The following SIGLEC5 variants were observed in gnomAD, a reference collection of about 807,000 sequenced individuals.
SIGLEC5 encodes the protein sialic acid binding Ig like lectin 5.
SIGLEC5 carries 34 observed loss-of-function variants against 45.9 expected under a neutral mutation model. The ratio of observed to expected loss-of-function variants is 0.74; its 90% CI spans 0.56 to 0.99. The LOEUF (loss-of-function observed/expected upper bound fraction) is 0.99, where lower values mean the gene tolerates loss of function less well. SIGLEC5 is among the 50% of genes least tolerant of loss of function. The probability of loss-of-function intolerance (pLI) is 0.00; values close to 1 mark genes in which losing one functional copy is unlikely to be tolerated. For synonymous variants in SIGLEC5, 203 were observed against 258.6 expected, an observed-to-expected ratio of 0.79 and a Z score of 2.06; for missense variants, 508 against 629.6, an observed-to-expected ratio of 0.81 and a Z score of 2.07.
chr19:51,619,456 C>T (rs994869587), intron 8 of SIGLEC5, among the ~76,000 whole-genome samples: 1 of 152,122 alleles, frequency 6.6e-6, no homozygotes, highest in African/African-American at 2.4e-5. Context: ...GATCAAGTCT[C>T]AACAAATTTT....
In SIGLEC5 at chr19:51,627,638, T is replaced by C. The variant is rs1378957765; in HGVS notation, c.1106A>G (p.Glu369Gly). The change falls in exon 6 of 9, where the codon GAG (glutamate) becomes GGG (glycine). Residue 369 changes from glutamate to glycine, a missense_variant. By Grantham distance (98) the Glu-to-Gly change is moderately conservative. Coordinates refer to ENST00000683636, the MANE Select transcript of SIGLEC5 (RefSeq NM_003830.4). ...PAPSLCWRLE[E>G]KPLEGNSSQG... ...GCTGCTGTTCCCCTCCAGCGGCTTC[T>C]CCTCAAGCCGCCAGCACAGGGAGGG... is the stretch of plus-strand genomic sequence containing the variant. 6.2e-7 allele frequency: 1 copy of C among 1,611,624 alleles called. No homozygotes were observed. The highest frequency in any genetic ancestry group is 2.2e-5 in the East Asian group (1 of 44,862).
Position 51,628,012 on chromosome 19 carries a change from G to A in SIGLEC5, c.819C>T (p.Ser273=), listed in dbSNP as rs771516172. 6.2e-7 allele frequency: 1 copy of A among 1,610,114 alleles called. No individual in the cohort carries two copies. Among genetic ancestry groups the A allele is most frequent in the East Asian group, 2.2e-5 (1 of 44,832 alleles). The change falls in exon 5 of 9, where the codon AGC becomes AGT. Residue 273 remains serine (S), a synonymous_variant. Coordinates refer to ENST00000683636, the MANE Select transcript of SIGLEC5 (RefSeq NM_003830.4). ...ACCAGCTCAGGTGTGCAGGGGGGTT[G>A]CTGGGAGCATCACAGAGCAGCCGCA... ...QALRLLCDAP[S]NPPAHLSWFQ... is the part of the protein sequence containing the mutation.
At chr19:51,619,137 C>T (rs1053520457) in intron 8 of SIGLEC5, among the ~76,000 whole-genome samples, 5 of 152,180 alleles carry the variant, frequency 3.3e-5, no homozygotes, top group Non-Finnish European at 5.9e-5. Flanking sequence ...TGCAGTGGCA[C>T]GATCTTGGCT....
intron 6 of SIGLEC5, 91 bp downstream of exon 6, chr19:51,627,371 C>A: frequency 6.5e-7 from 1 of 1,545,466 alleles, no homozygotes; most frequent in Non-Finnish European, 8.8e-7. Context: ...GTCTCCCCAC[C>A]ACCAGTCCAG....
Position 51,611,164 on chromosome 19 carries a change from T to C in SIGLEC5, c.*1067A>G, listed in dbSNP as rs1013630073. ...CCTCATGACCACTTGCTGAAGTTTC[T>C]AACATTGTCATTTATCTGGGTTTGG... On this transcript the variant is annotated 3_prime_UTR_variant, in exon 9 of 9. Transcript: ENST00000683636. 5.3e-5 allele frequency among the ~76,000 whole-genome samples: 8 copies of C among 152,234 alleles called. No homozygotes were observed.
chr19:51,627,227 C>T lies in SIGLEC5; in HGVS notation c.1304G>A (p.Gly435Glu), dbSNP rs770007074. 1 of 1,613,994 alleles carries T rather than the reference C, an allele frequency of 6.2e-7. No homozygotes were observed. The highest frequency in any genetic ancestry group is 8.5e-7 in the Non-Finnish European group (1 of 1,180,010). Residue 435 changes from glycine (G) to glutamate (E), a missense_variant, in exon 7 of 9, where the codon GGA becomes GAA. Transcript: ENST00000683636. ...LLQGRSNLGT[G>E]VVPAALGGAG... is the part of the protein sequence containing the mutation. ...ACCACCAAGGGCTGCAGGAACCACTCCTGTCCCGAGGTTCGATCTCCCTGC... is the reference window on the plus strand; with the variant it reads ...ACCACCAAGGGCTGCAGGAACCACTTCTGTCCCGAGGTTCGATCTCCCTGC...
intron 8 of SIGLEC5, among the ~76,000 whole-genome samples, chr19:51,615,910 G>A (rs924282579): frequency 2.0e-4 from 31 of 152,180 alleles, no homozygotes; most frequent in African/African-American, 7.2e-4. Context: ...CCGAGTAGCT[G>A]GGATTACAGG....
chr19:51,624,093 A>G (rs935927702), intron 8 of SIGLEC5, among the ~76,000 whole-genome samples: 1 of 152,026 alleles, frequency 6.6e-6, no homozygotes, highest in African/African-American at 2.4e-5. Flanking sequence ...CGGGAGGTGG[A>G]GGTTGCAATG....
Position 51,627,910 on chromosome 19 carries a change from T to G in SIGLEC5, c.921A>C (p.Ala307=). 2 of 1,614,092 alleles carry G rather than the reference T, an allele frequency of 1.2e-6. No homozygotes were observed. The highest frequency in any genetic ancestry group is 1.7e-6 in the Non-Finnish European group (2 of 1,179,986). ...CGCGGCAGGTGAAGCCTCCTTCTTC[T>G]GCAGACCTTACTCGACGAAGCTCCA... ...GILELRRVRS[A]EEGGFTCRAQ... The change falls in exon 5 of 9, where the codon GCA becomes GCC. Residue 307 remains alanine (A), a synonymous_variant. Transcript: ENST00000683636.
rs535163869 is a variant in SIGLEC5, at chr19:51,628,600, CGGGTGTACGTACATGTGTGCGTGTGT to C, written c.739+412_739+437del. Among the ~76,000 whole-genome samples, 728 of 144,252 alleles carry C rather than the reference CGGGTGTACGTACATGTGTGCGTGTGT, an allele frequency of 5.0e-3. 43 individuals are homozygous for C. In the East Asian group the frequency reaches 0.12, roughly 25 times the overall value. The allele number at this position is 144,252 out of a possible 152,430, so 94.6% of individuals were successfully genotyped here. On this transcript the variant is annotated intron_variant, in intron 4 of 8. Coordinates refer to ENST00000683636, the MANE Select transcript of SIGLEC5 (RefSeq NM_003830.4). ...CTGTGTGCGTGTGTGTGTGCGTGTGCGGGTGTACGTACATGTGTGCGTGTGTGGGTGTATCTGCATATGTGTGTGTG... is the reference window on the plus strand; with the variant it reads ...CTGTGTGCGTGTGTGTGTGCGTGTGCGGGTGTATCTGCATATGTGTGTGTG...
intron 8 of SIGLEC5, among the ~76,000 whole-genome samples, chr19:51,620,846 T>C (rs1277414404): frequency 6.6e-6 from 1 of 152,144 alleles, no homozygotes; most frequent in East Asian, 1.9e-4. Context: ...CCAAGATCAA[T>C]GTGTGATTTT....
At chr19:51,625,895 T>C (rs1427555943) in intron 8 of SIGLEC5, 137 bp downstream of exon 8, 1 of 681,904 alleles carries the variant, frequency 1.5e-6, no homozygotes, top group Non-Finnish European at 2.6e-6. Context: ...TTCCTGGCTC[T>C]GGGATATGAA....
intron 8 of SIGLEC5, among the ~76,000 whole-genome samples, chr19:51,619,149 A>G (rs2122622048): frequency 6.6e-6 from 1 of 152,304 alleles, no homozygotes; most frequent in South Asian, 2.1e-4. Flanking sequence ...ATCTTGGCTC[A>G]CTGCAACCTC....
intron 7 of SIGLEC5, 50 bp from the exon 8 acceptor site, chr19:51,626,163 T>C: frequency 6.8e-7 from 1 of 1,472,060 alleles, no homozygotes; most frequent in Non-Finnish European, 9.5e-7. Flanking sequence ...AGGCACGGGT[T>C]AGCGGGTTGT....
At chr19:51,621,926 C>G (rs1600101603) in intron 8 of SIGLEC5, among the ~76,000 whole-genome samples, 1 of 151,916 alleles carries the variant, frequency 6.6e-6, no homozygotes, top group African/African-American at 2.4e-5. Flanking sequence ...ATGTGTAAGA[C>G]CTGTGTGAAG....
At chr19:51,628,826 CGT>C (rs888817069) in intron 4 of SIGLEC5, among the ~76,000 whole-genome samples, 16 of 133,766 alleles carry the variant, frequency 1.2e-4, no homozygotes, top group South Asian at 4.9e-4. Context: ...TGTGTGTGTG[CGT>C]GTGTGTGTGC....
intron 8 of SIGLEC5, among the ~76,000 whole-genome samples, chr19:51,623,746 T>A (rs1051101183): frequency 2.0e-5 from 3 of 152,186 alleles, no homozygotes; most frequent in African/African-American, 7.2e-5. Context: ...TGCCCAGCGA[T>A]GCGGCAACTC....
In SIGLEC5 at chr19:51,627,992, C is replaced by CTCAGGTGTGCAGGGGGGTTGCTGGGAGCA; in HGVS notation, c.810_838dup (p.Ser280MetfsTer10). 6.2e-7 allele frequency: 1 copy of CTCAGGTGTGCAGGGGGGTTGCTGGGAGCA among 1,613,090 alleles called. No homozygotes were observed. The highest frequency in any genetic ancestry group is 1.3e-5 in the African/African-American group (1 of 74,994). Reference sequence around the variant, plus strand: ...CAGGGCAGGGGAGCCCTGGAACCAGCTCAGGTGTGCAGGGGGGTTGCTGGG... The same window carrying CTCAGGTGTGCAGGGGGGTTGCTGGGAGCA: ...CAGGGCAGGGGAGCCCTGGAACCAGCTCAGGTGTGCAGGGGGGTTGCTGGGAGCATCAGGTGTGCAGGGGGGTTGCTGGG... On this transcript the variant is annotated stop_gained and frameshift_variant, in exon 5 of 9. Coordinates refer to ENST00000683636, the MANE Select transcript of SIGLEC5 (RefSeq NM_003830.4). LOFTEE classifies it high-confidence loss of function.
At position 51,629,409 on chromosome 19, in the gene SIGLEC5, G is replaced by A. The variant is rs1360404047; in HGVS notation, c.649C>T (p.Arg217Cys). 5 of 1,613,866 alleles carry A rather than the reference G, an allele frequency of 3.1e-6. No homozygotes were observed. Among genetic ancestry groups the A allele is most frequent in the South Asian group, 2.2e-5 (2 of 91,058 alleles). The change falls in exon 3 of 9, where the codon CGC becomes TGC. Residue 217 changes from arginine (R) to cysteine (C), a missense_variant. Arg to Cys is a radical substitution (Grantham distance 180). Around this residue, in one of 2 missense-constraint regions of SIGLEC5, gnomAD observed 431 missense variants for 428.8 expected, o/e 1.01. Coordinates refer to ENST00000683636, the MANE Select transcript of SIGLEC5 (RefSeq NM_003830.4). Reference protein sequence around the residue: ...HGTNLTCQMKRQGAQVTTERT... With the variant: ...HGTNLTCQMKCQGAQVTTERT... ...TCCGTGGTCACCTGAGCTCCTTGGC[G>A]TTTCATCTGACAGGTGAGGTTGGTG...
Sources: gnomAD v4.1 joint callset for allele counts (sites outside exome capture counted in the v4.1 genomes callset) on GRCh38, gnomAD v4.1.1 for gene constraint, gnomAD v4.1.1 regional missense constraint, MANE v1.5 for transcripts, NCBI Gene and HGNC (gene_info 2026-07-23, HGNC 2026-07-21) for gene names.